SP140L: variants seen among roughly 807,000 people sequenced by gnomAD.
SP140L encodes SP140 like nuclear body protein, also known as nuclear body protein SP140-like protein.
Under a neutral mutation model 84.3 loss-of-function variants are expected in SP140L, and 64 were observed. The observed-to-expected ratio is 0.76, with a 90% CI of 0.62 to 0.94. SP140L has a LOEUF of 0.94. Among genes scored for constraint, SP140L ranks in the 40% least tolerant of loss-of-function variants. The probability of loss-of-function intolerance (pLI) is 0.00; values close to 1 mark genes in which losing one functional copy is unlikely to be tolerated. For missense variants in SP140L, 628 were observed against 692.5 expected (o/e 0.91, Z 1.05); for synonymous variants, 242 against 236.9 (o/e 1.02, Z -0.20).
At chr2:230,347,183 G>A (rs1459334748) in intron 2 of SP140L, among the ~76,000 whole-genome samples, 3 of 152,118 alleles carry the variant, frequency 2.0e-5, no homozygotes, top group African/African-American at 7.2e-5. Context: ...CGCCTGTATG[G>A]TTTGTTGAGT....
chr2:230,385,836 TG>T (rs780168517), intron 9 of SP140L, among the ~76,000 whole-genome samples: 76 of 151,756 alleles, frequency 5.0e-4, no homozygotes, highest in East Asian at 1.5e-3. Context: ...CACATATAGT[TG>T]GGGGGTGACA....
At chr2:230,354,870 A>AAAGC (rs2060481123) in intron 2 of SP140L, among the ~76,000 whole-genome samples, 1 of 139,892 alleles carries the variant, frequency 7.1e-6, no homozygotes, top group Non-Finnish European at 1.5e-5. Flanking sequence ...AGAAAGAAAG[A>AAAGC]AAGAAAGAAA....
intron 9 of SP140L, among the ~76,000 whole-genome samples, chr2:230,387,640 G>A (rs2061640286): frequency 6.6e-6 from 1 of 152,192 alleles, no homozygotes; most frequent in African/African-American, 2.4e-5. Context: ...TCATTGGATG[G>A]TGGACATCCA....
Position 230,398,842 on chromosome 2 carries a change from C to T in SP140L, c.1198-1285C>T, listed in dbSNP as rs546369543. ...GTGGCTGTGGAGGGTGGGCTGTCCC[C>T]GGCTTCCAGAGGGAGAGTGTGATTG... On this transcript the variant is annotated intron_variant, in intron 14 of 18. Coordinates refer to ENST00000415673, the MANE Select transcript of SP140L (RefSeq NM_138402.6). Among the ~76,000 whole-genome samples, 10 of 152,338 alleles carry T rather than the reference C, an allele frequency of 6.6e-5. No individual in the cohort carries two copies. The East Asian group carries it at 1.2e-3, about 18-fold the overall frequency.
At chr2:230,399,117 T>A (rs547134599) in intron 14 of SP140L, among the ~76,000 whole-genome samples, 5 of 152,364 alleles carry the variant, frequency 3.3e-5, no homozygotes, top group East Asian at 1.9e-4. Flanking sequence ...CAAAGGGCTC[T>A]GTCACAGACC....
rs77976976 is a variant in SP140L at position 230,359,074 on chromosome 2, C to T, written c.381C>T (p.Ser127=). The T allele has an allele frequency of 2.8e-3, 4,499 of 1,613,244 alleles. 13 individuals carry two copies. Among genetic ancestry groups the T allele is most frequent in the Non-Finnish European group, 3.2e-3 (3,754 of 1,179,748 alleles). Residue 127 remains serine, a synonymous_variant, in exon 4 of 19, where the codon AGC becomes AGT. Coordinates refer to ENST00000415673, the MANE Select transcript of SP140L (RefSeq NM_138402.6). The part of the protein sequence containing the change: ...FNLSVLEALF[S]EVNMQEYPDL... ...TGTCAGTTTTGGAAGCACTGTTCAG[C>T]GAGGTCAACATGCAGGAATACCCCG...
chr2:230,392,063 G>A (rs1167482486), intron 11 of SP140L, 24 bp from the exon 12 acceptor site: 2 of 1,613,238 alleles, frequency 1.2e-6, no homozygotes, highest in African/African-American at 2.7e-5. Context: ...GAGGGCTCAG[G>A]ATCAAGTTAC....
chr2:230,350,755 G>A (rs775958081), intron 2 of SP140L, among the ~76,000 whole-genome samples: 8 of 152,082 alleles, frequency 5.3e-5, no homozygotes, highest in Non-Finnish European at 1.2e-4. Context: ...GGCAGGATGG[G>A]GGATTGTGGT....
chr2:230,383,280 C>T (rs1274507631), intron 7 of SP140L, among the ~76,000 whole-genome samples: 1 of 152,122 alleles, frequency 6.6e-6, no homozygotes, highest in Non-Finnish European at 1.5e-5. Flanking sequence ...AATGTTGTTT[C>T]AAAGGAAGGT....
In SP140L at chr2:230,353,623, C is replaced by A. The variant is rs191279598; in HGVS notation, c.108-4182C>A. On this transcript the variant is annotated intron_variant, in intron 2 of 18. Coordinates refer to ENST00000415673, the MANE Select transcript of SP140L (RefSeq NM_138402.6). ...GATTTCAATATATTTTGTGTCACTGCATCTTTAGTTGGATTCTATCTTTGA... is the reference window on the plus strand; with the variant it reads ...GATTTCAATATATTTTGTGTCACTGAATCTTTAGTTGGATTCTATCTTTGA... Among the ~76,000 whole-genome samples, 4 of 152,156 alleles carry A rather than the reference C, an allele frequency of 2.6e-5. No homozygotes were observed. In the East Asian group the frequency reaches 5.8e-4, roughly 22 times the overall value.
intron 14 of SP140L, chr2:230,399,819 G>A (rs529532857): frequency 1.7e-3 from 381 of 227,284 alleles, no homozygotes; most frequent in Middle Eastern, 3.1e-3. Flanking sequence ...TTTATCTGCA[G>A]CATAATACAA....
At chr2:230,398,147 T>C (rs865798394) in intron 14 of SP140L, among the ~76,000 whole-genome samples, 2 of 152,218 alleles carry the variant, frequency 1.3e-5, no homozygotes, top group Non-Finnish European at 2.9e-5. Flanking sequence ...ATCTGGACTA[T>C]GTATGACTTG....
At chr2:230,398,490 C>T (rs199877249) in intron 14 of SP140L, among the ~76,000 whole-genome samples, 1 of 152,244 alleles carries the variant, frequency 6.6e-6, no homozygotes, top group Non-Finnish European at 1.5e-5. Flanking sequence ...ACATTTGCTA[C>T]AAGAACCACC....
intron 2 of SP140L, among the ~76,000 whole-genome samples, chr2:230,333,605 CA>C (rs558405475): frequency 5.3e-5 from 8 of 152,118 alleles, no homozygotes; most frequent in Non-Finnish European, 1.2e-4. Context: ...GGGGTCCTTT[CA>C]AATGGAGACC....
chr2:230,390,180 C>CT (rs2061742958), intron 11 of SP140L, among the ~76,000 whole-genome samples, 157 bp downstream of exon 11: 1 of 152,164 alleles, frequency 6.6e-6, no homozygotes, highest in South Asian at 2.1e-4. Flanking sequence ...CATTTTAAGA[C>CT]TTTAAGAAAT....
At chr2:230,392,516 G>A (rs988627121) in intron 12 of SP140L, among the ~76,000 whole-genome samples, 1 of 152,166 alleles carries the variant, frequency 6.6e-6, no homozygotes, top group Admixed American at 6.5e-5. Context: ...AGAAAAAGAA[G>A]AGAGTCGATA....
chr2:230,377,249 A>C (rs1285026563), intron 7 of SP140L, among the ~76,000 whole-genome samples: 1 of 145,208 alleles, frequency 6.9e-6, no homozygotes, highest in African/African-American at 2.6e-5. Context: ...CTCCTGAGCA[A>C]GTGATCCTCA....
intron 4 of SP140L, among the ~76,000 whole-genome samples, chr2:230,359,950 A>G (rs2060662829): frequency 7.6e-6 from 1 of 131,874 alleles, no homozygotes; most frequent in South Asian, 2.2e-4. Flanking sequence ...TGCTATACCA[A>G]ACTAAAGTTT....
intron 15 of SP140L, chr2:230,400,676 G>A (rs2062288027): frequency 1.5e-6 from 1 of 652,848 alleles, no homozygotes; most frequent in Non-Finnish European, 2.6e-6. Flanking sequence ...CTGGCAGGCA[G>A]GACTCCTTGT....
Sources: gnomAD v4.1 joint callset for allele counts (sites outside exome capture counted in the v4.1 genomes callset) on GRCh38, gnomAD v4.1.1 for gene constraint, MANE v1.5 for transcripts, NCBI Gene and HGNC (gene_info 2026-07-23, HGNC 2026-07-21) for gene names.